Variants in MSRA observed in about 807,000 individuals in gnomAD.
MSRA encodes the protein mitochondrial peptide methionine sulfoxide reductase.
Under a neutral mutation model 31.3 loss-of-function variants are expected in MSRA, and 54 were observed. That is an observed-to-expected ratio of 1.73 (90% CI 1.39 to 2.17). MSRA has a LOEUF of 2.17. Among genes scored for constraint, MSRA ranks in the 30% most tolerant of loss-of-function variants. The pLI is 0.00. For missense variants in MSRA, 507 were observed against 300.9 expected, an observed-to-expected ratio of 1.69 and a Z score of -5.07; for synonymous variants, 169 against 116.5, an observed-to-expected ratio of 1.45 and a Z score of -2.90.
chr8:10,081,533 A>G (rs532650630), intron 1 of MSRA, among the ~76,000 whole-genome samples: 36 of 152,250 alleles, frequency 2.4e-4, no homozygotes, highest in African/African-American at 8.4e-4. Flanking sequence ...TCTGTCACCC[A>G]GGCTGGAGTG....
At chr8:10,363,005 T>C (rs998270303) in intron 5 of MSRA, among the ~76,000 whole-genome samples, 14 of 152,216 alleles carry the variant, frequency 9.2e-5, no homozygotes, top group African/African-American at 3.4e-4. Flanking sequence ...CATTTGGTGT[T>C]AAGAACACTC....
intron 5 of MSRA, among the ~76,000 whole-genome samples, chr8:10,323,084 C>A (rs1180772174): frequency 2.5e-5 from 2 of 81,370 alleles, no homozygotes; most frequent in Non-Finnish European, 2.3e-5. Flanking sequence ...AGTGAGACTC[C>A]ATCTCAAAAA....
At chr8:10,247,135 T>C (rs140901157) in intron 3 of MSRA, among the ~76,000 whole-genome samples, 2 of 152,376 alleles carry the variant, frequency 1.3e-5, no homozygotes, top group East Asian at 3.9e-4. Flanking sequence ...AACATGATAA[T>C]TGCCATGTGT....
chr8:10,218,422 G>T (rs776223957), intron 2 of MSRA, among the ~76,000 whole-genome samples: 1 of 152,134 alleles, frequency 6.6e-6, no homozygotes, highest in Non-Finnish European at 1.5e-5. Context: ...TGGGATTACA[G>T]GTGTGAGCCA....
In MSRA at chr8:10,400,345, A is replaced by C. The variant is rs574192620; in HGVS notation, c.544-27803A>C. Among the ~76,000 whole-genome samples the C allele has an allele frequency of 6.8e-5, 10 of 146,900 alleles. No individual in the cohort carries two copies. In the East Asian group the frequency reaches 2.0e-3, roughly 30 times the overall value. On this transcript the variant is annotated intron_variant, in intron 5 of 5. Transcript: ENST00000317173. Reference sequence around the variant, plus strand: ...GAAGGTCAGGAGGACTCCATGGCCTATGACCTATTCAGGCTCTGTGTGTGT... The same window carrying C: ...GAAGGTCAGGAGGACTCCATGGCCTCTGACCTATTCAGGCTCTGTGTGTGT...
intron 1 of MSRA, among the ~76,000 whole-genome samples, chr8:10,141,238 C>G (rs993709318): frequency 1.3e-5 from 2 of 152,172 alleles, no homozygotes; most frequent in Non-Finnish European, 2.9e-5. Context: ...TTCTGTGTGC[C>G]TCGCCCCTCA....
intron 1 of MSRA, among the ~76,000 whole-genome samples, chr8:10,105,167 T>C (rs1038929678): frequency 3.9e-5 from 6 of 152,240 alleles, no homozygotes; most frequent in African/African-American, 1.4e-4. Context: ...AATCCTTTGT[T>C]ATGCTCATCG....
chr8:10,087,130 C>T (rs1208742127), intron 1 of MSRA, among the ~76,000 whole-genome samples: 2 of 152,154 alleles, frequency 1.3e-5, no homozygotes, highest in African/African-American at 4.8e-5. Flanking sequence ...TATCTTCCTA[C>T]TAGACCTTAA....
chr8:10,334,377 C>T (rs958142691), intron 5 of MSRA, among the ~76,000 whole-genome samples: 14 of 152,048 alleles, frequency 9.2e-5, no homozygotes, highest in Non-Finnish European at 1.9e-4. Flanking sequence ...ATAAGCCTGG[C>T]CCTGGTTCAG....
intron 2 of MSRA, among the ~76,000 whole-genome samples, chr8:10,233,170 T>G (rs2975732): frequency 0.4 from 60,306 of 152,020 alleles, 12,420 homozygotes; most frequent in Non-Finnish European, 0.47. Flanking sequence ...GCCCTCTGGG[T>G]TTTACCTGTT....
chr8:10,162,526 TG>T (rs1419807374), intron 1 of MSRA, among the ~76,000 whole-genome samples: 1 of 151,674 alleles, frequency 6.6e-6, no homozygotes, highest in Non-Finnish European at 1.5e-5. Flanking sequence ...CCCTGTTGAG[TG>T]GGGCAGGTGA....
intron 3 of MSRA, among the ~76,000 whole-genome samples, chr8:10,262,212 A>T (rs973036059): frequency 1.3e-5 from 2 of 152,372 alleles, no homozygotes; most frequent in African/African-American, 4.8e-5. Context: ...TTATGTGCAC[A>T]TAAGTTTTTA....
In MSRA at chr8:10,428,381, G is replaced by A. The variant is rs1305044184; in HGVS notation, c.*69G>A. ...TTTCAACAAATTGGGCAATGCTTGT[G>A]TGATTCACAATCGTGGCATTTAAAG... is the stretch of plus-strand genomic sequence containing the variant. On this transcript the variant is annotated 3_prime_UTR_variant, in exon 6 of 6. Transcript: ENST00000317173. 1.3e-6 allele frequency: 2 copies of A among 1,513,690 alleles called. No individual in the cohort carries two copies. Among genetic ancestry groups the A allele is most frequent in the East Asian group, 2.3e-5 (1 of 44,124 alleles). The allele number at this position is 1,513,690 out of a possible 1,614,324, so 93.8% of individuals were successfully genotyped here. A position where few individuals can be genotyped will look rare whatever the true frequency, so the allele number is the denominator to read the frequency against.
chr8:10,350,148 G>A lies in MSRA; in HGVS notation c.543+30159G>A, dbSNP rs551823705. On this transcript the variant is annotated intron_variant, in intron 5 of 5. Coordinates refer to ENST00000317173, the MANE Select transcript of MSRA (RefSeq NM_012331.5). ...CATTAGCCACAATCTGGAGACCTAC[G>A]AGTGGAATTTGGTCTGCAGTCTTCG... is the stretch of plus-strand genomic sequence containing the variant. 1.3e-4 allele frequency among the ~76,000 whole-genome samples: 20 copies of A among 152,336 alleles called. No homozygotes were observed. The South Asian group carries it at 1.7e-3, about 13-fold the overall frequency.
intron 1 of MSRA, among the ~76,000 whole-genome samples, chr8:10,067,978 G>A (rs1029090733): frequency 1.4e-5 from 2 of 142,466 alleles, no homozygotes; most frequent in Admixed American, 7.5e-5. Context: ...CTGCCTCCCA[G>A]GCCCGAGTGA....
intron 5 of MSRA, among the ~76,000 whole-genome samples, chr8:10,388,790 G>C (rs747430105): frequency 6.6e-6 from 1 of 151,844 alleles, no homozygotes; most frequent in Non-Finnish European, 1.5e-5. Context: ...GCTGTTCTAC[G>C]CATGATGGGA....
intron 2 of MSRA, among the ~76,000 whole-genome samples, chr8:10,225,764 G>T (rs1810946351): frequency 6.6e-6 from 1 of 152,208 alleles, no homozygotes; most frequent in East Asian, 1.9e-4. Flanking sequence ...GACACTCGGA[G>T]CCTCAGAGAG....
chr8:10,379,544 C>A (rs887300541), intron 5 of MSRA, among the ~76,000 whole-genome samples: 1 of 152,184 alleles, frequency 6.6e-6, no homozygotes, highest in Non-Finnish European at 1.5e-5. Flanking sequence ...AGCAGGAAGG[C>A]CAGTCCTTCC....
chr8:10,201,213 G>T (rs982691503), intron 1 of MSRA, among the ~76,000 whole-genome samples: 3 of 152,078 alleles, frequency 2.0e-5, no homozygotes, highest in South Asian at 4.2e-4. Flanking sequence ...TGTAGTAGCA[G>T]CTGGATTAGT....
Sources: gnomAD v4.1 joint callset for allele counts (sites outside exome capture counted in the v4.1 genomes callset) on GRCh38, gnomAD v4.1.1 for gene constraint, MANE v1.5 for transcripts, NCBI Gene and HGNC (gene_info 2026-07-23, HGNC 2026-07-21) for gene names.